PREPL: variants seen among roughly 807,000 people sequenced by gnomAD.
PREPL encodes the protein prolyl endopeptidase-like.
In PREPL, 77 loss-of-function variants were observed where a neutral mutation model predicts 70.6. The ratio of observed to expected loss-of-function variants is 1.09; its 90% CI spans 0.91 to 1.32. PREPL has a LOEUF of 1.32. Among genes scored for constraint, PREPL ranks in the 40% most tolerant of loss-of-function variants. PREPL has a pLI of 0.00. For synonymous variants in PREPL, 315 were observed against 264.8 expected (o/e 1.19, Z -1.84); for missense variants, 1,002 against 778.2 (o/e 1.29, Z -3.42).
rs144579899 is a variant in PREPL at position 44,320,057 on chromosome 2, A to T, written c.*1299T>A. 80 of 659,892 alleles carry T rather than the reference A, an allele frequency of 1.2e-4. 1 individual carries two copies. The East Asian group carries it at 2.0e-3, about 17-fold the overall frequency. The allele number at this position is 659,892 out of a possible 1,614,324, so 40.9% of individuals were successfully genotyped here. On this transcript the variant is annotated 3_prime_UTR_variant, in exon 14 of 14. Transcript: ENST00000409411. ...TTATATAAATTGTTCTTACCTACTT[A>T]TTGATGCTTACAATTTGGCAATTAT...
At chr2:44,337,308 T>G (rs993319687) in intron 7 of PREPL, among the ~76,000 whole-genome samples, 2 of 152,212 alleles carry the variant, frequency 1.3e-5, no homozygotes, top group African/African-American at 4.8e-5. Flanking sequence ...CCTTCTTCTC[T>G]AGTTTGAGCC....
In PREPL at chr2:44,345,920, T is replaced by G. The variant is rs182071466; in HGVS notation, c.75+348A>C. On this transcript the variant is annotated intron_variant, in intron 2 of 13. Transcript: ENST00000409411. The stretch of plus-strand genomic sequence containing the variant: ...ACTTTGGGAGGCTGAGGTGGGAGGG[T>G]TGCTTGAGCCCAGGAGTTCAAGATC... Among the ~76,000 whole-genome samples the G allele has an allele frequency of 3.4e-3, 512 of 152,110 alleles. 3 individuals are homozygous for G. The highest frequency in any genetic ancestry group is 0.012 in the African/African-American group (496 of 41,510).
chr2:44,347,848 A>G (rs1357260089), intron 1 of PREPL, among the ~76,000 whole-genome samples: 1 of 152,258 alleles, frequency 6.6e-6, no homozygotes, highest in African/African-American at 2.4e-5. Context: ...AATACAGTTT[A>G]TATTACAAAG....
chr2:44,350,216 G>A (rs567715887), intron 1 of PREPL, among the ~76,000 whole-genome samples: 1 of 151,658 alleles, frequency 6.6e-6, no homozygotes, highest in Non-Finnish European at 1.5e-5. Flanking sequence ...CACAAAATAA[G>A]AACAGTAATA....
rs115881234 is a variant in PREPL at position 44,350,694 on chromosome 2, C to T, written c.-48-4304G>A. ...CTGCCTCCAATTCTTCTCCTTACCC[C>T]TTCTCTAGAGCCCAGACTTTTGCTC... On this transcript the variant is annotated intron_variant, in intron 1 of 13. Transcript: ENST00000409411. Among the ~76,000 whole-genome samples, 549 of 152,252 alleles carry T rather than the reference C, an allele frequency of 3.6e-3. 2 individuals carry two copies. Among genetic ancestry groups the T allele is most frequent in the African/African-American group, 0.013 (532 of 41,534 alleles).
intron 2 of PREPL, among the ~76,000 whole-genome samples, chr2:44,345,902 G>T (rs978794496): frequency 1.6e-4 from 25 of 152,116 alleles, no homozygotes; most frequent in African/African-American, 6.0e-4. Flanking sequence ...AGCACTTTGG[G>T]AGGCTGAGGT....
At chr2:44,328,688 A>C (rs1372097321) in intron 9 of PREPL, among the ~76,000 whole-genome samples, 2 of 152,172 alleles carry the variant, frequency 1.3e-5, no homozygotes, top group Non-Finnish European at 2.9e-5. Flanking sequence ...ACTGAAAGGA[A>C]ATAATAATAT....
chr2:44,332,699 C>T, intron 7 of PREPL, 43 bp from the exon 8 acceptor site: 1 of 1,442,646 alleles, frequency 6.9e-7, no homozygotes, highest in African/African-American at 1.4e-5. Flanking sequence ...ATTTAGGCCA[C>T]CAAGTATCAT....
chr2:44,346,360 T>G lies in PREPL; in HGVS notation c.-18A>C. ...GCATCCATGTTTTCTGGAAGGGGTT[T>G]TTCGTTTTCTTGTTTAACAGGCTGA... On this transcript the variant is annotated 5_prime_UTR_variant, in exon 2 of 14. Coordinates refer to ENST00000409411, the MANE Select transcript of PREPL (RefSeq NM_001171613.2). 6.2e-7 allele frequency: 1 copy of G among 1,613,144 alleles called. No homozygotes were observed. The highest frequency in any genetic ancestry group is 1.3e-5 in the African/African-American group (1 of 75,024).
chr2:44,336,263 A>G (rs528076430), intron 7 of PREPL, among the ~76,000 whole-genome samples: 38 of 152,306 alleles, frequency 2.5e-4, no homozygotes, highest in African/African-American at 8.9e-4. Context: ...TATGTTCATC[A>G]CAATAGCAAA....
rs747967447 is a variant in PREPL, at chr2:44,346,352, A to G, written c.-10T>C. 6 of 1,612,882 alleles carry G rather than the reference A, an allele frequency of 3.7e-6. No homozygotes were observed. In the South Asian group the frequency reaches 5.5e-5, roughly 15 times the overall value. ...TTTCAAATGCATCCATGTTTTCTGG[A>G]AGGGGTTTTTCGTTTTCTTGTTTAA... On this transcript the variant is annotated 5_prime_UTR_variant, in exon 2 of 14. Coordinates refer to ENST00000409411, the MANE Select transcript of PREPL (RefSeq NM_001171613.2).
chr2:44,333,800 G>A (rs948218826), intron 7 of PREPL, among the ~76,000 whole-genome samples: 3 of 152,082 alleles, frequency 2.0e-5, no homozygotes, highest in Admixed American at 6.5e-5. Context: ...AAATCTGGTA[G>A]CATAGTTATA....
intron 9 of PREPL, among the ~76,000 whole-genome samples, chr2:44,328,290 C>T (rs1401219036): frequency 1.8e-5 from 1 of 54,738 alleles, no homozygotes; most frequent in African/African-American, 7.0e-5. Flanking sequence ...AAAAAAAATT[C>T]AGACAGTGTG....
At chr2:44,324,136 G>T (rs1438445160) in intron 10 of PREPL, among the ~76,000 whole-genome samples, 1 of 152,172 alleles carries the variant, frequency 6.6e-6, no homozygotes, top group Non-Finnish European at 1.5e-5. Flanking sequence ...CTACAATATG[G>T]ATGAACCTCA....
intron 1 of PREPL, among the ~76,000 whole-genome samples, chr2:44,357,395 G>A (rs544914294): frequency 6.6e-6 from 1 of 152,360 alleles, no homozygotes; most frequent in African/African-American, 2.4e-5. Context: ...TGTTTTCACA[G>A]CTGCCGGGGC....
rs1054619523 is a variant in PREPL, at chr2:44,318,239, C to A, written c.*3117G>T. Reference sequence around the variant, plus strand: ...CCAAGTAGCTGGGATTACAGGTGCACGTCATTATGCCCGGGTAATTTCTGT... The same window carrying A: ...CCAAGTAGCTGGGATTACAGGTGCAAGTCATTATGCCCGGGTAATTTCTGT... On this transcript the variant is annotated 3_prime_UTR_variant, in exon 14 of 14. Coordinates refer to ENST00000409411, the MANE Select transcript of PREPL (RefSeq NM_001171613.2). 6.0e-6 allele frequency: 2 copies of A among 333,152 alleles called. No homozygotes were observed. Among genetic ancestry groups the A allele is most frequent in the Non-Finnish European group, 1.2e-5 (2 of 168,362 alleles). 20.6% of individuals were successfully genotyped at this position (333,152 alleles called of 1,614,324 possible).
chr2:44,342,576 T>C, intron 4 of PREPL, 24 bp from the exon 5 acceptor site: 1 of 1,521,784 alleles, frequency 6.6e-7, no homozygotes. Context: ...ATGAGATAAT[T>C]ATACATAATC....
intron 4 of PREPL, 87 bp downstream of exon 4, chr2:44,343,658 C>T: frequency 6.7e-6 from 8 of 1,187,978 alleles, no homozygotes; most frequent in Non-Finnish European, 9.9e-6. Flanking sequence ...CATTCACCTT[C>T]TCCCTCCCTC....
chr2:44,337,188 T>A (rs1160680122), intron 7 of PREPL, among the ~76,000 whole-genome samples: 1 of 152,210 alleles, frequency 6.6e-6, no homozygotes, highest in Non-Finnish European at 1.5e-5. Context: ...ACAGCTTCAT[T>A]TGATGGCTTT....
Sources: allele counts gnomAD v4.1 joint callset (sites outside exome capture counted in the v4.1 genomes callset), GRCh38; gene constraint gnomAD v4.1.1; transcripts MANE v1.5; gene names NCBI Gene and HGNC (gene_info 2026-07-23, HGNC 2026-07-21).